Variants in TMEM117 observed in about 807,000 individuals in gnomAD.
The protein encoded by TMEM117 is transmembrane protein 117.
A neutral mutation model predicts 52.4 loss-of-function variants in TMEM117; 27 were observed. The observed-to-expected ratio is 0.51, with a 90% CI of 0.38 to 0.71. The LOEUF (loss-of-function observed/expected upper bound fraction) is 0.71, where lower values mean the gene tolerates loss of function less well. Ranked by LOEUF, TMEM117 falls within the 30% of genes least tolerant of loss-of-function variation. The probability of loss-of-function intolerance (pLI) is 0.00; values close to 1 mark genes in which losing one functional copy is unlikely to be tolerated. For synonymous variants in TMEM117, 215 were observed against 206.3 expected (o/e 1.04, Z -0.36); for missense variants, 556 against 630.5 (o/e 0.88, Z 1.26).
At chr12:43,832,352 G>T (rs1290669052), upstream of TMEM117, among the ~76,000 whole-genome samples, 2 of 152,186 alleles carry the variant, frequency 1.3e-5, no homozygotes, top group Non-Finnish European at 1.5e-5. Context: ...ATAGATGTTG[G>T]TCATTTAAAA....
intron 4 of TMEM117, among the ~76,000 whole-genome samples, chr12:44,156,272 G>A (rs920038118): frequency 6.6e-6 from 1 of 152,086 alleles, no homozygotes; most frequent in Non-Finnish European, 1.5e-5. Context: ...GTGTGCAGAT[G>A]TGTACTTAAT....
chr12:44,376,566 A>G, intron 6 of TMEM117, 29 bp from the exon 7 acceptor site: 2 of 1,583,764 alleles, frequency 1.3e-6, no homozygotes, highest in Non-Finnish European at 1.7e-6. Flanking sequence ...AACGAATCAC[A>G]AATGTTTTTA....
At chr12:44,154,677 G>A (rs1208058679) in intron 4 of TMEM117, among the ~76,000 whole-genome samples, 2 of 149,440 alleles carry the variant, frequency 1.3e-5, no homozygotes, top group South Asian at 2.1e-4. Flanking sequence ...TAAGTTGCAG[G>A]TTTGAAAAAA....
At chr12:44,329,622 T>C (rs970844805) in intron 6 of TMEM117, among the ~76,000 whole-genome samples, 2 of 152,076 alleles carry the variant, frequency 1.3e-5, no homozygotes, top group East Asian at 1.9e-4. Context: ...ATTTTTTATC[T>C]TGTGACTCTG....
the TMEM117 span, among the ~76,000 whole-genome samples, chr12:43,813,228 C>CTTTTTTTTT: frequency 1.4e-5 from 1 of 73,178 alleles, no homozygotes; most frequent in Non-Finnish European, 2.7e-5. Flanking sequence ...CTGGTTTTCT[C>CTTTTTTTTT]TTGTTTTTTT....
At chr12:44,159,155 A>G (rs991011960) in intron 4 of TMEM117, among the ~76,000 whole-genome samples, 1 of 152,200 alleles carries the variant, frequency 6.6e-6, no homozygotes, top group Admixed American at 6.5e-5. Flanking sequence ...AGCAGCAGAA[A>G]TGGTGAATGG....
chr12:43,895,388 C>T (rs1387232910), intron 2 of TMEM117, among the ~76,000 whole-genome samples: 2 of 152,098 alleles, frequency 1.3e-5, no homozygotes, highest in Non-Finnish European at 2.9e-5. Context: ...TTTCTTTATC[C>T]AGTCTATCAC....
intron 2 of TMEM117, among the ~76,000 whole-genome samples, chr12:43,938,160 G>A (rs1298980784): frequency 2.0e-5 from 3 of 151,526 alleles, no homozygotes; most frequent in Non-Finnish European, 4.4e-5. Flanking sequence ...GGGGTATGCA[G>A]GACAGCATAT....
At chr12:44,094,968 C>G (rs1466686674) in intron 3 of TMEM117, among the ~76,000 whole-genome samples, 1 of 152,084 alleles carries the variant, frequency 6.6e-6, no homozygotes, top group Admixed American at 6.6e-5. Flanking sequence ...TATTTTTACA[C>G]TGGTAATGTG....
At chr12:44,160,717 G>A (rs1029600089) in intron 4 of TMEM117, among the ~76,000 whole-genome samples, 3 of 152,110 alleles carry the variant, frequency 2.0e-5, no homozygotes, top group Non-Finnish European at 2.9e-5. Context: ...TGAGAGGATC[G>A]CTTGTGCCTA....
At chr12:44,335,589 A>G (rs1256340682) in intron 6 of TMEM117, among the ~76,000 whole-genome samples, 3 of 152,098 alleles carry the variant, frequency 2.0e-5, no homozygotes, top group Admixed American at 1.3e-4. Flanking sequence ...TCAACTTTCT[A>G]TCATTAAAGT....
intron 7 of TMEM117, among the ~76,000 whole-genome samples, chr12:44,379,022 A>C (rs1380397873): frequency 6.6e-6 from 1 of 152,006 alleles, no homozygotes; most frequent in African/African-American, 2.4e-5. Context: ...GGTGGCTCAC[A>C]CCTATAGTCC....
At chr12:44,289,225 TTGTGTGTGTGTGTGTGTGTG>T (rs59507806) in intron 5 of TMEM117, among the ~76,000 whole-genome samples, 6,725 of 146,090 alleles carry the variant, frequency 0.046, 202 homozygotes, top group African/African-American at 0.082. Context: ...CTATCCCATT[TTGTGTGTGTGTGTGTGTGTG>T]TGTGTGTGTG....
chr12:43,985,841 C>G (rs1592416251), intron 3 of TMEM117, among the ~76,000 whole-genome samples: 1 of 152,202 alleles, frequency 6.6e-6, no homozygotes, highest in East Asian at 1.9e-4. Flanking sequence ...ATATGTCATG[C>G]TGAAAGAACA....
intron 2 of TMEM117, among the ~76,000 whole-genome samples, chr12:43,904,959 C>A (rs1221406478): frequency 6.6e-6 from 1 of 152,044 alleles, no homozygotes; most frequent in Non-Finnish European, 1.5e-5. Flanking sequence ...GCCTAACCAA[C>A]AAGGAGAAAC....
intron 4 of TMEM117, among the ~76,000 whole-genome samples, chr12:44,206,859 C>T (rs537436605): frequency 3.9e-5 from 6 of 152,060 alleles, no homozygotes; most frequent in East Asian, 1.9e-4. Context: ...TTCCACCTAT[C>T]GGATACTATG....
At position 43,932,706 on chromosome 12, in the gene TMEM117, TTAAAA is replaced by T. The variant is rs573237091; in HGVS notation, c.278-11502_278-11498del. 1.3e-3 allele frequency among the ~76,000 whole-genome samples: 203 copies of T among 152,318 alleles called. 1 individual carries two copies. The Middle Eastern group carries it at 0.031, about 23-fold the overall frequency. On this transcript the variant is annotated intron_variant, in intron 2 of 7. Coordinates refer to ENST00000266534, the MANE Select transcript of TMEM117 (RefSeq NM_032256.3). ...CTAAGGGATTAAAAAGCATAGCAAC[TTAAAA>T]TTAACACCTGTCTATGATACTCCTA...
intron 6 of TMEM117, among the ~76,000 whole-genome samples, chr12:44,303,830 A>G (rs753688736): frequency 6.6e-6 from 1 of 152,224 alleles, no homozygotes; most frequent in Non-Finnish European, 1.5e-5. Context: ...AGACTTCACC[A>G]CTACACAATC....
At chr12:44,244,436 C>G (rs1324451495) in intron 5 of TMEM117, 2 of 151,764 alleles carry the variant, frequency 1.3e-5, no homozygotes, top group African/African-American at 4.8e-5. Context: ...CACCCATAAT[C>G]CAATAATTTT....
Sources: gnomAD v4.1 joint callset for allele counts (sites outside exome capture counted in the v4.1 genomes callset) on GRCh38, gnomAD v4.1.1 for gene constraint, MANE v1.5 for transcripts, NCBI Gene and HGNC (gene_info 2026-07-23, HGNC 2026-07-21) for gene names.